The following OPCML variants were observed in gnomAD, a reference collection of about 807,000 sequenced individuals.
OPCML encodes the protein opioid-binding protein/cell adhesion molecule.
In OPCML, 13 loss-of-function variants were observed where a neutral mutation model predicts 37.8. The observed-to-expected ratio is 0.34, with a 90% CI of 0.22 to 0.55. OPCML has a LOEUF of 0.55. OPCML is among the 20% of genes least tolerant of loss of function. OPCML has a pLI of 0.91. For missense variants in OPCML, 341 were observed against 435.6 expected, an observed-to-expected ratio of 0.78 and a Z score of 1.93; for synonymous variants, 176 against 168.8, an observed-to-expected ratio of 1.04 and a Z score of -0.33.
At chr11:133,418,761 C>T (rs778155490) in intron 1 of OPCML, among the ~76,000 whole-genome samples, 1 of 152,202 alleles carries the variant, frequency 6.6e-6, no homozygotes, top group African/African-American at 2.4e-5. Flanking sequence ...AAGATGTAGG[C>T]GTGGTTAAAC....
intron 3 of OPCML, among the ~76,000 whole-genome samples, chr11:132,533,473 A>G (rs1165758240): frequency 6.6e-6 from 1 of 152,206 alleles, no homozygotes; most frequent in Non-Finnish European, 1.5e-5. Flanking sequence ...GGATAGACAA[A>G]TAGATGACCA....
At chr11:132,824,985 G>T (rs1940212739) in intron 2 of OPCML, among the ~76,000 whole-genome samples, 1 of 152,246 alleles carries the variant, frequency 6.6e-6, no homozygotes, top group East Asian at 1.9e-4. Flanking sequence ...AGCAGAGAGG[G>T]CTTCTCTGAT....
In OPCML at chr11:132,942,826, C is replaced by T. The variant is rs549679683; in HGVS notation, c.146+100G>A. On this transcript the variant is annotated intron_variant, in intron 2 of 7. Transcript: ENST00000524381. ...CCCTCGGGCCTGCACAAGGCCCACT[C>T]GCGTTCCGGTCCCCCATGGAGCCTT... 5 of 1,484,886 alleles carry T rather than the reference C, an allele frequency of 3.4e-6. No homozygotes were observed. In the Admixed American group the frequency reaches 7.1e-5, roughly 21 times the overall value. 92.0% of individuals were successfully genotyped at this position (1,484,886 alleles called of 1,614,324 possible).
At chr11:133,524,701 T>C (rs12803064) in intron 1 of OPCML, among the ~76,000 whole-genome samples, 33,883 of 152,212 alleles carry the variant, frequency 0.22, 4,301 homozygotes, top group Admixed American at 0.34. Context: ...TGCATGTGTG[T>C]TTGGTCGGTA....
intron 1 of OPCML, among the ~76,000 whole-genome samples, chr11:133,252,944 G>A (rs1484845302): frequency 1.3e-5 from 2 of 152,104 alleles, no homozygotes; most frequent in African/African-American, 2.4e-5. Flanking sequence ...TCGAGAGTTC[G>A]AGACCAGCCT....
chr11:133,251,334 C>T (rs558116517), intron 1 of OPCML, among the ~76,000 whole-genome samples: 2 of 152,084 alleles, frequency 1.3e-5, no homozygotes, highest in African/African-American at 4.8e-5. Flanking sequence ...CTTAGTGCCC[C>T]AAGCAGGCAG....
At chr11:133,408,784 GGCC>G (rs1240354957) in intron 1 of OPCML, among the ~76,000 whole-genome samples, 1 of 152,158 alleles carries the variant, frequency 6.6e-6, no homozygotes, top group Non-Finnish European at 1.5e-5. Context: ...CACAGACAGT[GGCC>G]CTTCCAGGAA....
intron 1 of OPCML, among the ~76,000 whole-genome samples, chr11:133,368,332 G>A (rs1226867094): frequency 6.6e-6 from 1 of 152,046 alleles, no homozygotes; most frequent in Non-Finnish European, 1.5e-5. Flanking sequence ...GGGAGAGGGA[G>A]AGGGAGTATT....
chr11:133,140,994 A>AGACGAAGACGAAGAC (rs1177428334), intron 1 of OPCML, among the ~76,000 whole-genome samples: 164 of 4,078 alleles, frequency 0.04, 27 homozygotes, highest in African/African-American at 0.068. Flanking sequence ...AAGAAGAAGA[A>AGACGAAGACGAAGAC]GAAGACGACG....
chr11:132,561,822 G>C (rs1329337413), intron 3 of OPCML, among the ~76,000 whole-genome samples: 1 of 152,196 alleles, frequency 6.6e-6, no homozygotes, highest in African/African-American at 2.4e-5. Context: ...AAATACATGT[G>C]TTGACATTAA....
chr11:133,083,136 A>G (rs569402024), intron 1 of OPCML, among the ~76,000 whole-genome samples: 4 of 147,844 alleles, frequency 2.7e-5, no homozygotes, highest in East Asian at 2.0e-4. Flanking sequence ...CACACCACGC[A>G]CACACACGCA....
chr11:133,253,145 C>CAA (rs549441502), intron 1 of OPCML, among the ~76,000 whole-genome samples: 33,248 of 98,612 alleles, frequency 0.34, 5,323 homozygotes, highest in East Asian at 0.8. Flanking sequence ...GACTCTGTCT[C>CAA]AAAAAAAAAA....
At chr11:133,396,106 G>A (rs935080922) in intron 1 of OPCML, among the ~76,000 whole-genome samples, 1 of 151,458 alleles carries the variant, frequency 6.6e-6, no homozygotes, top group Admixed American at 6.6e-5. Context: ...CACTTCTTTG[G>A]TTAATTCCTA....
rs574432925 is a variant in OPCML at position 133,101,020 on chromosome 11, G to A, written c.62-158010C>T. On this transcript the variant is annotated intron_variant, in intron 1 of 7. Coordinates refer to ENST00000524381, the MANE Select transcript of OPCML (RefSeq NM_001012393.5). The stretch of plus-strand genomic sequence containing the variant: ...GCTCACTGCAACCTCCGCCTCCTGG[G>A]TTCAAGCGATTCTCCTGCCTCAGCC... Among the ~76,000 whole-genome samples, 902 of 152,274 alleles carry A rather than the reference G, an allele frequency of 5.9e-3. 8 individuals are homozygous for A. The highest frequency in any genetic ancestry group is 0.021 in the African/African-American group (869 of 41,558).
intron 2 of OPCML, among the ~76,000 whole-genome samples, chr11:132,762,316 T>A (rs1946292290): frequency 6.6e-6 from 1 of 152,180 alleles, no homozygotes; most frequent in South Asian, 2.1e-4. Flanking sequence ...GGGCAGTCTG[T>A]CCCTTAGCAG....
At chr11:133,081,631 T>C (rs1948718136) in intron 1 of OPCML, among the ~76,000 whole-genome samples, 1 of 152,288 alleles carries the variant, frequency 6.6e-6, no homozygotes, top group Non-Finnish European at 1.5e-5. Flanking sequence ...ATAAGCCCAA[T>C]AGTGTATTAA....
At chr11:133,207,922 G>A (rs1440983998) in intron 1 of OPCML, among the ~76,000 whole-genome samples, 2 of 152,068 alleles carry the variant, frequency 1.3e-5, no homozygotes, top group East Asian at 3.8e-4. Context: ...TTACTTCGCC[G>A]CAGGGTCTTC....
intron 2 of OPCML, among the ~76,000 whole-genome samples, chr11:132,688,563 T>G (rs1478673306): frequency 6.6e-6 from 1 of 152,162 alleles, no homozygotes; most frequent in Non-Finnish European, 1.5e-5. Context: ...GATAGTATAT[T>G]CAATGCAGCC....
chr11:132,651,080 C>A (rs1212976112), intron 3 of OPCML, among the ~76,000 whole-genome samples: 1 of 152,220 alleles, frequency 6.6e-6, no homozygotes, highest in African/African-American at 2.4e-5. Context: ...TCCCAGCATC[C>A]ACCTGCTGCC....
Sources: allele counts gnomAD v4.1 joint callset (sites outside exome capture counted in the v4.1 genomes callset), GRCh38; gene constraint gnomAD v4.1.1; transcripts MANE v1.5; gene names NCBI Gene and HGNC (gene_info 2026-07-23, HGNC 2026-07-21).